USP9Y: variants seen among roughly 807,000 people sequenced by gnomAD.
The protein encoded by USP9Y is ubiquitin specific peptidase 9 Y-linked, also known as ubiquitin carboxyl-terminal hydrolase 9Y.
Under a neutral mutation model 53.1 loss-of-function variants are expected in USP9Y, and 41 were observed. The ratio of observed to expected loss-of-function variants is 0.77; its 90% CI spans 0.60 to 1.00. The LOEUF (loss-of-function observed/expected upper bound fraction) is 1.00. Ranked by LOEUF, USP9Y falls within the 50% of genes least tolerant of loss-of-function variation. The pLI is 0.00. For missense variants in USP9Y, 567 were observed against 535.8 expected (o/e 1.06, Z -0.58); for synonymous variants, 220 against 173.7 (o/e 1.27, Z -2.09).
chrY:12,723,198 TA>T (rs2053437452), intron 5 of USP9Y, among the ~76,000 whole-genome samples: 7 of 25,147 alleles, frequency 2.8e-4, no homozygotes, highest in Admixed American at 3.7e-4. Context: ...AGCCTTAATA[TA>T]AAAAAAAAAA....
chrY:12,753,546 C>A, intron 12 of USP9Y, among the ~76,000 whole-genome samples: 1 of 33,101 alleles, frequency 3.0e-5, no homozygotes, highest in African/African-American at 1.2e-4. Flanking sequence ...CTGAAACTAT[C>A]TGGTCTGGTG....
At chrY:12,823,609 A>T in intron 33 of USP9Y, among the ~76,000 whole-genome samples, 1 of 33,333 alleles carries the variant, frequency 3.0e-5, no homozygotes, top group African/African-American at 1.2e-4. Context: ...ATCAAGAAAC[A>T]GAAACTCAGA....
chrY:12,760,104 C>T, intron 14 of USP9Y, among the ~76,000 whole-genome samples: 2 of 33,635 alleles, frequency 5.9e-5, no homozygotes, highest in African/African-American at 1.2e-4. Flanking sequence ...TGATTGGTTT[C>T]GTCAATAATG....
rs2053501857 is a variant in USP9Y, at chrY:12,786,350, G to A, written c.3282+17G>A. ...CTAACAGAGGTTGGTTTTTGCCTTT[G>A]CAAAAATGTAATTTTTATATTATAC... is the stretch of plus-strand genomic sequence containing the variant. On this transcript the variant is annotated intron_variant, in intron 23 of 45. Transcript: ENST00000338981. The A allele has an allele frequency of 2.5e-6, 1 of 395,301 alleles. No homozygotes were observed. The highest frequency in any genetic ancestry group is 6.4e-5 in the African/African-American group (1 of 15,562).
At chrY:12,755,162 CT>C (rs201909503) in intron 12 of USP9Y, among the ~76,000 whole-genome samples, 2 of 21,300 alleles carry the variant, frequency 9.4e-5, no homozygotes, top group Admixed American at 4.3e-4. Flanking sequence ...TGTTTTCTTT[CT>C]TTTTTTTTTT....
At chrY:12,732,886 C>A (rs2053448166) in intron 7 of USP9Y, among the ~76,000 whole-genome samples, 1 of 32,297 alleles carries the variant, frequency 3.1e-5, no homozygotes, top group South Asian at 7.1e-4. Flanking sequence ...GTTCATTAGG[C>A]GTATTTGACT....
chrY:12,819,969 A>G, intron 33 of USP9Y, among the ~76,000 whole-genome samples: 1 of 31,737 alleles, frequency 3.2e-5, no homozygotes, highest in African/African-American at 1.2e-4. Flanking sequence ...CCCCATCTCT[A>G]CTAAAAATGC....
At chrY:12,856,313 A>G (rs762971104) in intron 42 of USP9Y, 27 bp from the exon 43 acceptor site, 6 of 390,228 alleles carry the variant, frequency 1.5e-5, no homozygotes, top group Non-Finnish European at 2.2e-5. Flanking sequence ...TGGATATTAC[A>G]AAGTTTTACA....
rs2053514675 is a variant in USP9Y, at chrY:12,797,414, T to C, written c.3983+4213T>C. 1.8e-4 allele frequency among the ~76,000 whole-genome samples: 6 copies of C among 33,382 alleles called. No homozygotes were observed. The South Asian group carries it at 4.0e-3, about 22-fold the overall frequency. 89.6% of individuals were successfully genotyped at this position (33,382 alleles called of 37,273 possible). A position where few individuals can be genotyped will look rare whatever the true frequency, so the allele number is the denominator to read the frequency against. On this transcript the variant is annotated intron_variant, in intron 27 of 45. Transcript: ENST00000338981. Reference sequence around the variant, plus strand: ...CAACTCAAAAGCGGGTGATGGGGGCTTCCAGGGTATAGGTAAATTTAAACA... The same window carrying C: ...CAACTCAAAAGCGGGTGATGGGGGCCTCCAGGGTATAGGTAAATTTAAACA...
At chrY:12,842,529 C>A in intron 38 of USP9Y, 64 bp downstream of exon 38, 1 of 255,178 alleles carries the variant, frequency 3.9e-6, no homozygotes, top group East Asian at 1.0e-4. Flanking sequence ...TCTGTTTCTG[C>A]AAATTCATAT....
In USP9Y at chrY:12,723,683, C is replaced by T. The variant is rs2053438662; in HGVS notation, c.326-1430C>T. Reference sequence around the variant, plus strand: ...GATTACAGGCGTGAGCCAGCGCCCCCGGTGAATACTGTGTATTTTTTTAAG... The same window carrying T: ...GATTACAGGCGTGAGCCAGCGCCCCTGGTGAATACTGTGTATTTTTTTAAG... On this transcript the variant is annotated intron_variant, in intron 5 of 45. Coordinates refer to ENST00000338981, the MANE Select transcript of USP9Y (RefSeq NM_004654.4). Among the ~76,000 whole-genome samples the T allele has an allele frequency of 1.8e-4, 6 of 32,960 alleles. No individual in the cohort carries two copies. The South Asian group carries it at 2.7e-3, about 15-fold the overall frequency. 88.4% of individuals were successfully genotyped at this position (32,960 alleles called of 37,273 possible). A position where few individuals can be genotyped will look rare whatever the true frequency, so the allele number is the denominator to read the frequency against.
At chrY:12,854,690 C>T (rs1603204333) in intron 42 of USP9Y, among the ~76,000 whole-genome samples, 2 of 34,219 alleles carry the variant, frequency 5.8e-5, no homozygotes, top group Admixed American at 5.3e-4. Context: ...GCATGAGCCA[C>T]TGCACCCAGC....
At chrY:12,817,698 A>G (rs898348760) in intron 32 of USP9Y, among the ~76,000 whole-genome samples, 1 of 34,216 alleles carries the variant, frequency 2.9e-5, no homozygotes, top group African/African-American at 1.1e-4. Flanking sequence ...TGAGGCCAAC[A>G]GAACATAAAC....
chrY:12,710,686 G>A, intron 3 of USP9Y, among the ~76,000 whole-genome samples: 1 of 33,390 alleles, frequency 3.0e-5, no homozygotes, highest in Admixed American at 2.8e-4. Flanking sequence ...GGAAAAAAAC[G>A]GTAGAGAATT....
At chrY:12,830,846 G>A (rs754207127) in intron 33 of USP9Y, among the ~76,000 whole-genome samples, 275 of 33,707 alleles carry the variant, frequency 8.2e-3, no homozygotes, top group African/African-American at 0.029. Flanking sequence ...ATACTCCTAC[G>A]AAAACTGTTG....
At chrY:12,790,358 T>C in intron 24 of USP9Y, 49 bp from the exon 25 acceptor site, 1 of 384,494 alleles carries the variant, frequency 2.6e-6, no homozygotes, top group South Asian at 3.0e-5. Context: ...TTAGGGATTA[T>C]GGTATATACA....
At chrY:12,837,830 C>T in intron 34 of USP9Y, 81 bp from the exon 35 acceptor site, 1 of 203,706 alleles carries the variant, frequency 4.9e-6, no homozygotes, top group Non-Finnish European at 7.8e-6. Flanking sequence ...GAGAAAAACC[C>T]TGTCTCTAAA....
chrY:12,787,007 A>G (rs765765207), intron 24 of USP9Y, among the ~76,000 whole-genome samples: 4 of 33,583 alleles, frequency 1.2e-4, no homozygotes, highest in Admixed American at 2.7e-4. Context: ...ACTGTTGCCT[A>G]TCCTACTTTG....
At chrY:12,795,660 G>A (rs949464358) in intron 27 of USP9Y, among the ~76,000 whole-genome samples, 14 of 33,141 alleles carry the variant, frequency 4.2e-4, no homozygotes, top group Non-Finnish European at 1.0e-3. Flanking sequence ...TTGATTACAT[G>A]CGAAACAAAG....
Sources: gnomAD v4.1 joint callset for allele counts (sites outside exome capture counted in the v4.1 genomes callset) on GRCh38, gnomAD v4.1.1 for gene constraint, MANE v1.5 for transcripts, NCBI Gene and HGNC (gene_info 2026-07-23, HGNC 2026-07-21) for gene names.